The following RANBP3 variants were observed in gnomAD, a reference collection of about 807,000 sequenced individuals.
RANBP3 encodes the protein RAN binding protein 3, also known as ran-binding protein 3.
A neutral mutation model predicts 77.3 loss-of-function variants in RANBP3; 14 were observed. The observed-to-expected ratio is 0.18, with a 90% CI of 0.12 to 0.28. RANBP3 has a LOEUF of 0.28. Ranked by LOEUF, RANBP3 falls within the 10% of genes least tolerant of loss-of-function variation. The pLI is 1.00. For synonymous variants in RANBP3, 315 were observed against 312.4 expected (o/e 1.01, Z -0.09); for missense variants, 586 against 752.3 (o/e 0.78, Z 2.59).
Position 5,968,513 on chromosome 19 carries a change from G to C in RANBP3, c.22+9548C>G, listed in dbSNP as rs565413422. Among the ~76,000 whole-genome samples, 156 of 152,326 alleles carry C rather than the reference G, an allele frequency of 1.0e-3. 2 individuals are homozygous for C. In the South Asian group the frequency reaches 0.014, roughly 14 times the overall value. ...TGGCACTGGTAGCATTATTATGCTC[G>C]GAAGATTGCAAACATATTGATGCCA... is the stretch of plus-strand genomic sequence containing the variant. On this transcript the variant is annotated intron_variant, in intron 1 of 16. Coordinates refer to ENST00000340578, the MANE Select transcript of RANBP3 (RefSeq NM_007322.3).
At chr19:5,918,411 C>T in intron 15 of RANBP3, 85 bp downstream of exon 15, 1 of 595,442 alleles carries the variant, frequency 1.7e-6, no homozygotes, top group Non-Finnish European at 2.3e-6. Flanking sequence ...CCCCTCCCCA[C>T]CGTCCTGCCT....
At position 5,924,821 on chromosome 19, in the gene RANBP3, A is replaced by G; in HGVS notation, c.996+6T>C. The G allele has an allele frequency of 2.5e-6, 4 of 1,613,282 alleles. No homozygotes were observed. The highest frequency in any genetic ancestry group is 2.5e-6 in the Non-Finnish European group (3 of 1,179,246). On this transcript the variant is annotated splice_donor_region_variant and intron_variant, in intron 11 of 16. Coordinates refer to ENST00000340578, the MANE Select transcript of RANBP3 (RefSeq NM_007322.3). This position sits in a 1 kb window ranked among gnomAD's most constrained non-coding sequence, Gnocchi z 4.7. ...CCCTGAGAACATTCCCAACACAGCC[A>G]CTCACCAAAACTCGCTCGCTCATGT... is the stretch of plus-strand genomic sequence containing the variant.
rs1276473940 is a variant in RANBP3, at chr19:5,918,615, G to A, written c.1354C>T (p.Arg452Ter). 1 of 1,613,658 alleles carries A rather than the reference G, an allele frequency of 6.2e-7. No individual in the cohort carries two copies. Among genetic ancestry groups the A allele is most frequent in the Non-Finnish European group, 8.5e-7 (1 of 1,179,846 alleles). Reference protein sequence around the residue: ...RLVMRTQGSLRLILNTKLWAQ... With the variant: ...RLVMRTQGSL ...CACAGCTTGGTGTTGAGGATCAGTC[G>A]CAGGCTCCCCTGGGTCCGCATCACT... The change falls in exon 15 of 17, where the codon CGA becomes TGA. Residue 452 changes from arginine to a stop codon, truncating the protein, a stop_gained. Coordinates refer to ENST00000340578, the MANE Select transcript of RANBP3 (RefSeq NM_007322.3). LOFTEE classifies it high-confidence loss of function.
intron 1 of RANBP3, among the ~76,000 whole-genome samples, chr19:5,964,942 A>G (rs185162129): frequency 2.0e-5 from 3 of 151,598 alleles, no homozygotes; most frequent in Non-Finnish European, 4.4e-5. Flanking sequence ...TCAGTGTAGA[A>G]GCTCCTAGGA....
In RANBP3 at chr19:5,931,451, C is replaced by A; in HGVS notation, c.646G>T (p.Ala216Ser). ...AVPAASPDTA[A>S]WRSPSEAADE... ...GCAGCTTCGGAAGGACTTCTCCATG[C>A]AGCAGTGTCAGGGGATGCTGCGGGC... The change falls in exon 8 of 17, where the codon GCA becomes TCA. Residue 216 changes from alanine to serine, a missense_variant. Ala to Ser is a moderately conservative substitution (Grantham distance 99). Transcript: ENST00000340578. 2 of 1,613,010 alleles carry A rather than the reference C, an allele frequency of 1.2e-6. No homozygotes were observed. The highest frequency in any genetic ancestry group is 8.5e-7 in the Non-Finnish European group (1 of 1,179,630).
chr19:5,941,888 C>T lies in RANBP3; in HGVS notation c.283-53G>A, dbSNP rs1246955984. The T allele has an allele frequency of 1.2e-5, 19 of 1,605,034 alleles. No individual in the cohort carries two copies. The East Asian group carries it at 1.6e-4, about 13-fold the overall frequency. On this transcript the variant is annotated intron_variant, in intron 3 of 16. Transcript: ENST00000340578. ...CAGAGGGCATCAGGCTCACGGCAGC[C>T]GAGCAACTCTCGGGGCCGTAACAAA... is the stretch of plus-strand genomic sequence containing the variant.
intron 10 of RANBP3, chr19:5,925,335 A>G: frequency 1.9e-6 from 1 of 521,774 alleles, no homozygotes; most frequent in Non-Finnish European, 3.5e-6. Context: ...TGCTCTGGGC[A>G]TGAGGTCCAC....
chr19:5,944,199 G>A (rs1270924263), intron 3 of RANBP3, among the ~76,000 whole-genome samples: 1 of 152,216 alleles, frequency 6.6e-6, no homozygotes, highest in East Asian at 1.9e-4. Context: ...AGGCTACGCT[G>A]GGGGCAGGGC....
intron 4 of RANBP3, 22 bp from the exon 5 acceptor site, chr19:5,941,729 G>C (rs754174407): frequency 1.6e-5 from 26 of 1,612,306 alleles, no homozygotes; most frequent in Non-Finnish European, 2.2e-5. Context: ...GATGAGAAGA[G>C]GAGGAGAAAA....
At position 5,917,490 on chromosome 19, in the gene RANBP3, G is replaced by C; in HGVS notation, c.*120C>G. 1.7e-6 allele frequency: 2 copies of C among 1,180,474 alleles called. No homozygotes were observed. The highest frequency in any genetic ancestry group is 3.1e-5 in the African/African-American group (2 of 65,092). The allele number at this position is 1,180,474 out of a possible 1,614,324, so 73.1% of individuals were successfully genotyped here. The stretch of plus-strand genomic sequence containing the variant: ...GACGTGCGGGTCCAGACTGTGGCCG[G>C]CCCAGTGGGGTGTGTGGTTCCCGGC... On this transcript the variant is annotated 3_prime_UTR_variant, in exon 17 of 17. Coordinates refer to ENST00000340578, the MANE Select transcript of RANBP3 (RefSeq NM_007322.3).
At chr19:5,949,447 A>G (rs377018509) in intron 3 of RANBP3, among the ~76,000 whole-genome samples, 29 of 152,384 alleles carry the variant, frequency 1.9e-4, no homozygotes, top group African/African-American at 5.0e-4. Context: ...AGCCCTGGTC[A>G]GCTCAGAGCT....
intron 5 of RANBP3, among the ~76,000 whole-genome samples, chr19:5,937,684 G>A (rs1054617534): frequency 6.6e-6 from 1 of 152,204 alleles, no homozygotes; most frequent in Admixed American, 6.5e-5. Flanking sequence ...CAGAACTGAT[G>A]TGTGGCTGAT....
At chr19:5,933,740 G>A (rs1053845848) in intron 5 of RANBP3, 8 of 407,916 alleles carry the variant, frequency 2.0e-5, no homozygotes, top group South Asian at 9.4e-5. Flanking sequence ...GGCGTCAGCC[G>A]CCCTCCCAGC....
Position 5,924,729 on chromosome 19 carries a change from T to C in RANBP3, c.996+98A>G, listed in dbSNP as rs566424685. ...CTACTGAAGGCATCCCCATCTCACA[T>C]AGGACGACACAGCAGCCCTGCTCTC... On this transcript the variant is annotated intron_variant, in intron 11 of 16. Coordinates refer to ENST00000340578, the MANE Select transcript of RANBP3 (RefSeq NM_007322.3). This position sits in a 1 kb window ranked among gnomAD's most constrained non-coding sequence, Gnocchi z 4.7. 110 of 1,243,632 alleles carry C rather than the reference T, an allele frequency of 8.8e-5. No homozygotes were observed. Among genetic ancestry groups the C allele is most frequent in the East Asian group, 1.4e-4 (6 of 43,116 alleles). 77.0% of individuals were successfully genotyped at this position (1,243,632 alleles called of 1,614,324 possible).
At chr19:5,947,711 C>T (rs1424322022) in intron 3 of RANBP3, among the ~76,000 whole-genome samples, 1 of 152,208 alleles carries the variant, frequency 6.6e-6, no homozygotes, top group African/African-American at 2.4e-5. Context: ...GGAGCGAGCA[C>T]TGTGAGTGCT....
intron 3 of RANBP3, among the ~76,000 whole-genome samples, chr19:5,947,280 C>T (rs866017715): frequency 3.4e-5 from 5 of 145,172 alleles, no homozygotes; most frequent in African/African-American, 1.3e-4. Flanking sequence ...CGCCACTGCT[C>T]TTCAGCCTGG....
At chr19:5,941,494 G>A (rs531799180) in intron 5 of RANBP3, 127 bp downstream of exon 5, 145 of 824,988 alleles carry the variant, frequency 1.8e-4, no homozygotes, top group African/African-American at 9.6e-4. Context: ...GACAGAGCCC[G>A]AGCCTCAGAT....
chr19:5,953,059 G>A (rs1043059398), intron 2 of RANBP3, among the ~76,000 whole-genome samples: 1 of 152,106 alleles, frequency 6.6e-6, no homozygotes, highest in Non-Finnish European at 1.5e-5. Flanking sequence ...ACATCCTCAT[G>A]GTAATTCAAA....
At chr19:5,930,030 C>A (rs2057967930) in intron 8 of RANBP3, among the ~76,000 whole-genome samples, 1 of 152,244 alleles carries the variant, frequency 6.6e-6, no homozygotes, top group African/African-American at 2.4e-5. Flanking sequence ...CACAGCAAGG[C>A]CTCTCCAGTG....
Sources: gnomAD v4.1 joint callset for allele counts (sites outside exome capture counted in the v4.1 genomes callset) on GRCh38, gnomAD v4.1.1 for gene constraint, Gnocchi (gnomAD v3.1) non-coding constraint, MANE v1.5 for transcripts, NCBI Gene and HGNC (gene_info 2026-07-23, HGNC 2026-07-21) for gene names.